Variants in AKR1C8 observed in about 807,000 individuals in gnomAD.
AKR1C8 encodes the protein aldo-keto reductase family 1 member C-like protein 1.
chr10:5,150,843 C>T, the AKR1C8 span, among the ~76,000 whole-genome samples: 1 of 152,120 alleles, frequency 6.6e-6, no homozygotes, highest in East Asian at 1.9e-4. Context: ...GTGGGTTCTC[C>T]TTGCCACTGC....
the AKR1C8 span, among the ~76,000 whole-genome samples, chr10:5,118,886 T>A: frequency 2.6e-5 from 4 of 152,052 alleles, no homozygotes; most frequent in Admixed American, 2.0e-4. Context: ...TCCATTCCCT[T>A]GAAGAAAAAT....
At chr10:5,159,245 A>AAT in the AKR1C8 span, among the ~76,000 whole-genome samples, 1 of 152,222 alleles carries the variant, frequency 6.6e-6, no homozygotes, top group Non-Finnish European at 1.5e-5. Context: ...GCATTAATCA[A>AAT]GTGAGATCAG....
chr10:5,128,673 A>G, the AKR1C8 span, among the ~76,000 whole-genome samples: 2 of 151,816 alleles, frequency 1.3e-5, no homozygotes, highest in Non-Finnish European at 1.5e-5. Flanking sequence ...AAGCAACAGC[A>G]GTTAAAAAAA....
the AKR1C8 span, among the ~76,000 whole-genome samples, chr10:5,119,388 T>C: frequency 2.0e-5 from 3 of 152,158 alleles, no homozygotes; most frequent in Non-Finnish European, 4.4e-5. Context: ...TATATAAAAG[T>C]ACATAATCTA....
chr10:5,163,993 G>A, the AKR1C8 span, among the ~76,000 whole-genome samples: 16 of 152,222 alleles, frequency 1.1e-4, no homozygotes, highest in East Asian at 3.9e-4. Context: ...TTTTGTGGAC[G>A]TGTACACTGT....
chr10:5,145,082 G>A, the AKR1C8 span, among the ~76,000 whole-genome samples: 1 of 150,588 alleles, frequency 6.6e-6, no homozygotes, highest in African/African-American at 2.4e-5. Context: ...TAGCATGAAG[G>A]GTTGTTGAAT....
At chr10:5,138,243 A>G in the AKR1C8 span, among the ~76,000 whole-genome samples, 1 of 152,012 alleles carries the variant, frequency 6.6e-6, no homozygotes, top group African/African-American at 2.4e-5. Context: ...TCAACCACAT[A>G]AGAAAAACAT....
chr10:5,180,507 C>A, the AKR1C8 span, among the ~76,000 whole-genome samples: 1 of 152,208 alleles, frequency 6.6e-6, no homozygotes, highest in African/African-American at 2.4e-5. Flanking sequence ...CTCTTCAAAG[C>A]TGTCAGACAG....
the AKR1C8 span, among the ~76,000 whole-genome samples, chr10:5,119,408 G>A: frequency 6.6e-6 from 1 of 152,136 alleles, no homozygotes; most frequent in South Asian, 2.1e-4. Context: ...ACATGTAGAA[G>A]ATGATTTCAT....
At chr10:5,176,603 C>T in the AKR1C8 span, among the ~76,000 whole-genome samples, 13 of 151,628 alleles carry the variant, frequency 8.6e-5, no homozygotes, top group African/African-American at 2.9e-4. Flanking sequence ...ATTCTTCCTA[C>T]CCATGAGCAT....
the AKR1C8 span, chr10:5,154,463 A>G: frequency 3.6e-6 from 1 of 273,996 alleles, no homozygotes; most frequent in East Asian, 8.7e-5. Flanking sequence ...CTTTTTTACA[A>G]TTTGTTCTTT....
the AKR1C8 span, among the ~76,000 whole-genome samples, chr10:5,137,506 T>C: frequency 6.6e-6 from 1 of 152,114 alleles, no homozygotes; most frequent in African/African-American, 2.4e-5. Flanking sequence ...AATCACATGA[T>C]TATCTCAATA....
chr10:5,127,247 A>C, the AKR1C8 span, among the ~76,000 whole-genome samples: 1 of 152,134 alleles, frequency 6.6e-6, no homozygotes, highest in African/African-American at 2.4e-5. Context: ...ATAAATGAAA[A>C]ATTTTCCAGA....
At chr10:5,124,195 A>T in the AKR1C8 span, among the ~76,000 whole-genome samples, 1 of 152,186 alleles carries the variant, frequency 6.6e-6, no homozygotes, top group Admixed American at 6.5e-5. Context: ...CAGGTTTAAA[A>T]TGCAAAATAA....
the AKR1C8 span, chr10:5,157,896 G>A: frequency 2.7e-6 from 1 of 377,314 alleles, no homozygotes; most frequent in Non-Finnish European, 5.4e-6. Context: ...AGAGTTGAGA[G>A]GAGTGGGCAC....
the AKR1C8 span, among the ~76,000 whole-genome samples, chr10:5,146,172 G>A: frequency 2.2e-5 from 3 of 133,342 alleles, no homozygotes; most frequent in African/African-American, 8.4e-5. Flanking sequence ...CACAGGAAGG[G>A]GAACATCACA....
chr10:5,153,020 C>G, the AKR1C8 span, among the ~76,000 whole-genome samples: 1 of 152,004 alleles, frequency 6.6e-6, no homozygotes, highest in Admixed American at 6.6e-5. Flanking sequence ...ATCAAATATG[C>G]AGCAATGTTA....
chr10:5,147,988 T>C, the AKR1C8 span, among the ~76,000 whole-genome samples: 1 of 152,168 alleles, frequency 6.6e-6, no homozygotes, highest in Non-Finnish European at 1.5e-5. Flanking sequence ...CTGCCAAATC[T>C]CAACTACTCT....
the AKR1C8 span, among the ~76,000 whole-genome samples, chr10:5,176,750 G>T: frequency 0.015 from 2,249 of 152,176 alleles, 53 homozygotes; most frequent in African/African-American, 0.051. Flanking sequence ...ATCGTGAATG[G>T]GAGTTCACTC....
Sources: allele counts gnomAD v4.1 joint callset (sites outside exome capture counted in the v4.1 genomes callset), GRCh38; gene constraint gnomAD v4.1.1; transcripts MANE v1.5; gene names NCBI Gene and HGNC (gene_info 2026-07-23, HGNC 2026-07-21).